The following ADARB2 variants were observed in gnomAD, a reference collection of about 807,000 sequenced individuals.
ADARB2 encodes the protein inactive double-stranded RNA-specific editase B2.
A neutral mutation model predicts 62.2 loss-of-function variants in ADARB2; 25 were observed. The observed-to-expected ratio is 0.40, with a 90% confidence interval of 0.29 to 0.56. The LOEUF (loss-of-function observed/expected upper bound fraction) is 0.56. ADARB2 is among the 20% of genes least tolerant of loss of function. The probability of loss-of-function intolerance (pLI) is 0.43; values close to 1 mark genes in which losing one functional copy is unlikely to be tolerated. For synonymous variants in ADARB2, 572 were observed against 500.8 expected, an observed-to-expected ratio of 1.14 and a Z score of -1.90; for missense variants, 1,071 against 1,077.4, an observed-to-expected ratio of 0.99 and a Z score of 0.08.
At chr10:1,718,162 C>T (rs967124254) in intron 1 of ADARB2, among the ~76,000 whole-genome samples, 45 of 152,160 alleles carry the variant, frequency 3.0e-4, no homozygotes, top group African/African-American at 1.1e-3. Flanking sequence ...AAACCTAACA[C>T]ACATCATAGG....
In ADARB2 at chr10:1,477,933, G is replaced by A. The variant is rs534065049; in HGVS notation, c.101-98773C>T. ...ATCCCAGGGAAGAGCCCCTCTGCTG[G>A]AGGACTAAGAGGGTCCATGTGGGAT... On this transcript the variant is annotated intron_variant, in intron 1 of 9. Coordinates refer to ENST00000381312, the MANE Select transcript of ADARB2 (RefSeq NM_018702.4). This position sits in a 1 kb window ranked among gnomAD's most constrained non-coding sequence, Gnocchi z 4.5. 2.6e-5 allele frequency among the ~76,000 whole-genome samples: 4 copies of A among 152,314 alleles called. No homozygotes were observed. The highest frequency in any genetic ancestry group is 9.6e-5 in the African/African-American group (4 of 41,564).
intron 8 of ADARB2, among the ~76,000 whole-genome samples, chr10:1,196,802 A>G (rs377012046): frequency 1.3e-5 from 2 of 152,016 alleles, no homozygotes; most frequent in Non-Finnish European, 2.9e-5. Flanking sequence ...GGGTCTGGCT[A>G]TGTTGGCCAG....
chr10:1,240,892 C>G (rs1425367861), intron 5 of ADARB2, among the ~76,000 whole-genome samples: 2 of 152,230 alleles, frequency 1.3e-5, no homozygotes, highest in Non-Finnish European at 2.9e-5. Context: ...CCCCCATATC[C>G]AACTCCTGCT....
chr10:1,420,414 G>T (rs1473247905), intron 1 of ADARB2, among the ~76,000 whole-genome samples: 1 of 152,132 alleles, frequency 6.6e-6, no homozygotes, highest in Non-Finnish European at 1.5e-5. Flanking sequence ...GTAACCAGTG[G>T]TTGGCTGTAT....
chr10:1,631,473 T>A (rs189678075), intron 1 of ADARB2, among the ~76,000 whole-genome samples: 1 of 152,312 alleles, frequency 6.6e-6, no homozygotes, highest in East Asian at 1.9e-4. Context: ...CCATGCCCGA[T>A]GTCAGAGCGC....
At chr10:1,407,877 G>A (rs567910945) in intron 1 of ADARB2, among the ~76,000 whole-genome samples, 1 of 152,312 alleles carries the variant, frequency 6.6e-6, no homozygotes, top group East Asian at 1.9e-4. Flanking sequence ...CAGACCCAAA[G>A]CCTCCCAGCA....
At chr10:1,264,859 A>G (rs1225491729) in intron 4 of ADARB2, among the ~76,000 whole-genome samples, 1 of 152,214 alleles carries the variant, frequency 6.6e-6, no homozygotes, top group Non-Finnish European at 1.5e-5. Context: ...AAAATTGTGG[A>G]GCGATAAAGC....
At chr10:1,478,974 A>G (rs1831436005) in intron 1 of ADARB2, among the ~76,000 whole-genome samples, 1 of 152,194 alleles carries the variant, frequency 6.6e-6, no homozygotes. Context: ...GTCTTCACCA[A>G]CGAATCCAAT....
intron 1 of ADARB2, among the ~76,000 whole-genome samples, chr10:1,594,057 C>T (rs200360397): frequency 1.7e-4 from 26 of 152,110 alleles, no homozygotes; most frequent in African/African-American, 5.3e-4. Context: ...TTTGGGAGGC[C>T]GAGGCTGGTA....
intron 1 of ADARB2, among the ~76,000 whole-genome samples, chr10:1,505,594 AG>A (rs1364622400): frequency 8.5e-5 from 13 of 152,146 alleles, no homozygotes; most frequent in African/African-American, 2.9e-4. Flanking sequence ...ACCATGCCCC[AG>A]CCAGGCGCGT....
intron 6 of ADARB2, among the ~76,000 whole-genome samples, chr10:1,224,540 C>T (rs909828414): frequency 3.9e-5 from 6 of 151,950 alleles, no homozygotes; most frequent in African/African-American, 1.5e-4. Flanking sequence ...TTGGATCTTT[C>T]CTGCTTTCTC....
chr10:1,425,788 C>G (rs1374386122), intron 1 of ADARB2, among the ~76,000 whole-genome samples: 4 of 152,214 alleles, frequency 2.6e-5, no homozygotes, highest in African/African-American at 9.6e-5. Context: ...GGAGATTGAG[C>G]TGGATCTATT....
chr10:1,686,553 C>T (rs1353300326), intron 1 of ADARB2, among the ~76,000 whole-genome samples: 3 of 152,252 alleles, frequency 2.0e-5, no homozygotes, highest in East Asian at 3.9e-4. Flanking sequence ...CAGGAGTAGC[C>T]GAACGTTCCC....
At chr10:1,612,784 G>A (rs1172936124) in intron 1 of ADARB2, among the ~76,000 whole-genome samples, 1 of 152,178 alleles carries the variant, frequency 6.6e-6, no homozygotes, top group African/African-American at 2.4e-5. Flanking sequence ...TTATTTATAA[G>A]GGCTACGTTG....
intron 1 of ADARB2, among the ~76,000 whole-genome samples, chr10:1,539,576 A>G (rs1832383453): frequency 6.6e-6 from 1 of 152,250 alleles, no homozygotes. Context: ...GAAATTGGGG[A>G]GGCCCACCCA....
intron 1 of ADARB2, among the ~76,000 whole-genome samples, chr10:1,690,765 G>A (rs527861455): frequency 1.2e-4 from 18 of 152,232 alleles, no homozygotes; most frequent in Middle Eastern, 3.4e-3. Flanking sequence ...CCTCTGGGCC[G>A]GCCCTTCCTG....
intron 1 of ADARB2, among the ~76,000 whole-genome samples, chr10:1,542,458 G>A (rs80018733): frequency 3.4e-3 from 16 of 4,762 alleles, no homozygotes; most frequent in South Asian, 0.01. Context: ...CGCCCAGACC[G>A]CACTCAGATG....
intron 1 of ADARB2, among the ~76,000 whole-genome samples, chr10:1,383,213 G>A (rs1311416903): frequency 2.6e-5 from 4 of 152,196 alleles, no homozygotes; most frequent in Non-Finnish European, 4.4e-5. Flanking sequence ...GTTGGCATCT[G>A]CAACACTGAG....
intron 3 of ADARB2, among the ~76,000 whole-genome samples, chr10:1,324,251 A>G (rs1455001615): frequency 6.6e-6 from 1 of 152,236 alleles, no homozygotes; most frequent in Non-Finnish European, 1.5e-5. Context: ...CAGTGGCCAC[A>G]ATAAAGGCTG....
Sources: gnomAD v4.1 joint callset for allele counts (sites outside exome capture counted in the v4.1 genomes callset) on GRCh38, gnomAD v4.1.1 for gene constraint, Gnocchi (gnomAD v3.1) non-coding constraint, MANE v1.5 for transcripts, NCBI Gene and HGNC (gene_info 2026-07-23, HGNC 2026-07-21) for gene names.